The following CTPS1 variants were observed in gnomAD, a reference collection of about 807,000 sequenced individuals.
CTPS1 encodes CTP synthase 1, also known as CTP synthetase 1.
A neutral mutation model predicts 80.5 loss-of-function variants in CTPS1; 25 were observed. The ratio of observed to expected loss-of-function variants is 0.31; its 90% CI spans 0.23 to 0.43. The LOEUF (loss-of-function observed/expected upper bound fraction) is 0.43, where lower values mean the gene tolerates loss of function less well. CTPS1 is among the 20% of genes least tolerant of loss of function. CTPS1 has a pLI of 1.00. For synonymous variants in CTPS1, 267 were observed against 252.5 expected, an observed-to-expected ratio of 1.06 and a Z score of -0.54; for missense variants, 442 against 725.7, an observed-to-expected ratio of 0.61 and a Z score of 4.49.
At chr1:40,982,133 C>A (rs1352215117) in intron 1 of CTPS1, 2 of 471,962 alleles carry the variant, frequency 4.2e-6, no homozygotes, top group East Asian at 7.4e-5. Context: ...ACGGTCTCCT[C>A]ACCTCTTGTC....
Position 41,004,191 on chromosome 1 carries a change from A to G in CTPS1, c.1252+1015A>G, listed in dbSNP as rs894880100. 31 of 152,278 alleles carry G rather than the reference A, an allele frequency of 2.0e-4. 1 individual carries two copies. The highest frequency in any genetic ancestry group is 1.3e-4 in the Admixed American group (2 of 15,284). The allele number at this position is 152,278 out of a possible 1,614,324, so 9.4% of individuals were successfully genotyped here. ...TTTATTCTCTGTAGCCCACCCGACA[A>G]ATACTAGATTTTCAGAAAGACCTTG... On this transcript the variant is annotated intron_variant, in intron 12 of 18. Transcript: ENST00000650070.
intron 1 of CTPS1, among the ~76,000 whole-genome samples, chr1:40,982,209 C>T (rs1011507850): frequency 1.3e-5 from 2 of 151,996 alleles, no homozygotes; most frequent in East Asian, 1.9e-4. Flanking sequence ...TCCCTGCCAC[C>T]GTGGCACTGC....
intron 11 of CTPS1, among the ~76,000 whole-genome samples, chr1:41,002,781 G>C (rs1642934255): frequency 6.6e-6 from 1 of 152,160 alleles, no homozygotes; most frequent in South Asian, 2.1e-4. Flanking sequence ...AGAAATTTGA[G>C]GCTGTAGTGA....
At chr1:41,011,426 G>A (rs559998680) in intron 18 of CTPS1, among the ~76,000 whole-genome samples, 1 of 152,192 alleles carries the variant, frequency 6.6e-6, no homozygotes, top group Non-Finnish European at 1.5e-5. Flanking sequence ...ACGAGGTGCT[G>A]TGGAGAAAGA....
At chr1:41,004,462 G>C (rs1642982687) in intron 12 of CTPS1, among the ~76,000 whole-genome samples, 1 of 152,104 alleles carries the variant, frequency 6.6e-6, no homozygotes, top group South Asian at 2.1e-4. Context: ...TGGCTTTCTG[G>C]TCTCCCTGGA....
intron 7 of CTPS1, among the ~76,000 whole-genome samples, chr1:40,993,115 A>T (rs1013030703): frequency 4.0e-5 from 6 of 151,848 alleles, no homozygotes; most frequent in Admixed American, 3.3e-4. Flanking sequence ...AAGTGGAGCA[A>T]TCTCAGCTCA....
chr1:41,000,509 T>G lies in CTPS1; in HGVS notation c.1006-520T>G, dbSNP rs560444798. Among the ~76,000 whole-genome samples, 20 of 152,068 alleles carry G rather than the reference T, an allele frequency of 1.3e-4. No individual in the cohort carries two copies. The East Asian group carries it at 3.9e-3, about 29-fold the overall frequency. ...CTCAAGTGATCCACCCGCCTCGGCC[T>G]TCCAAAGTGCTGGGATTATAGGTGT... is the stretch of plus-strand genomic sequence containing the variant. On this transcript the variant is annotated intron_variant, in intron 9 of 18. Coordinates refer to ENST00000650070, the MANE Select transcript of CTPS1 (RefSeq NM_001905.4).
intron 18 of CTPS1, among the ~76,000 whole-genome samples, chr1:41,010,801 C>T (rs925339035): frequency 3.3e-5 from 5 of 152,150 alleles, no homozygotes; most frequent in East Asian, 1.9e-4. Flanking sequence ...GCCAAATAGA[C>T]GTCGAATGTT....
chr1:40,993,614 C>T (rs1200173147), intron 7 of CTPS1, among the ~76,000 whole-genome samples: 1 of 152,176 alleles, frequency 6.6e-6, no homozygotes, highest in Non-Finnish European at 1.5e-5. Flanking sequence ...GTTGAGATTA[C>T]AGGCGTGAGC....
At chr1:40,994,600 G>A (rs1002802336) in intron 7 of CTPS1, among the ~76,000 whole-genome samples, 1 of 151,992 alleles carries the variant, frequency 6.6e-6, no homozygotes, top group Non-Finnish European at 1.5e-5. Flanking sequence ...AAATTCTTTT[G>A]GTTTTTATGG....
At chr1:41,003,231 A>G (rs897735311) in intron 12 of CTPS1, 55 bp downstream of exon 12, 9 of 1,597,000 alleles carry the variant, frequency 5.6e-6, no homozygotes, top group South Asian at 1.1e-5. Flanking sequence ...TCTGGAGGAT[A>G]TGAGGCCTGT....
intron 1 of CTPS1, chr1:40,981,351 AAG>A (rs1250891819): frequency 6.6e-6 from 1 of 152,244 alleles, no homozygotes; most frequent in African/African-American, 2.4e-5. Flanking sequence ...AAAGAACGTA[AAG>A]AGAGATGTTA....
chr1:40,997,548 C>G (rs781131089), intron 9 of CTPS1, 22 bp downstream of exon 9: 2 of 1,612,358 alleles, frequency 1.2e-6, no homozygotes, highest in South Asian at 2.2e-5. Context: ...GGCACAGGTA[C>G]AGCCAAAGGA....
intron 7 of CTPS1, 36 bp downstream of exon 7, chr1:40,991,881 T>C: frequency 6.7e-7 from 1 of 1,484,894 alleles, no homozygotes; most frequent in Non-Finnish European, 9.4e-7. Context: ...AAGTTGTTTT[T>C]TGCTTCTAAT....
intron 13 of CTPS1, among the ~76,000 whole-genome samples, chr1:41,006,796 G>A (rs983779099): frequency 6.6e-6 from 1 of 152,252 alleles, no homozygotes; most frequent in Non-Finnish European, 1.5e-5. Context: ...CGTGCTAAAT[G>A]AGACGGACAA....
chr1:40,995,281 C>T (rs1421308064), intron 7 of CTPS1, among the ~76,000 whole-genome samples: 6 of 152,032 alleles, frequency 3.9e-5, no homozygotes, highest in East Asian at 3.9e-4. Context: ...TACAGTGATG[C>T]GATCTTGGCT....
intron 3 of CTPS1, 56 bp downstream of exon 3, chr1:40,985,047 C>A (rs1570940613): frequency 7.8e-7 from 1 of 1,279,554 alleles, no homozygotes; most frequent in Non-Finnish European, 1.1e-6. Flanking sequence ...AATTTCTTCT[C>A]CCTCCCACCT....
At chr1:40,987,255 C>T in intron 3 of CTPS1, 117 bp from the exon 4 acceptor site, 1 of 730,428 alleles carries the variant, frequency 1.4e-6, no homozygotes, top group Non-Finnish European at 2.4e-6. Context: ...TTTTTATGAC[C>T]CTATTGCTAC....
In CTPS1 at chr1:41,007,584, C is replaced by T. The variant is rs759517076; in HGVS notation, c.1393+39C>T. The T allele has an allele frequency of 1.3e-5, 20 of 1,569,838 alleles. No individual in the cohort carries two copies. The highest frequency in any genetic ancestry group is 1.1e-4 in the East Asian group (5 of 44,658). Reference sequence around the variant, plus strand: ...CACGCTGGCCCAGCCTTTGGCTCTGCGTGCCCAGGACGCGTGTCTTAGGGT... The same window carrying T: ...CACGCTGGCCCAGCCTTTGGCTCTGTGTGCCCAGGACGCGTGTCTTAGGGT... On this transcript the variant is annotated intron_variant, in intron 14 of 18. Transcript: ENST00000650070. The surrounding 1 kb of genome is among the most constrained non-coding windows in gnomAD (Gnocchi z 4.4).
Sources: gnomAD v4.1 joint callset for allele counts (sites outside exome capture counted in the v4.1 genomes callset) on GRCh38, gnomAD v4.1.1 for gene constraint, Gnocchi (gnomAD v3.1) non-coding constraint, MANE v1.5 for transcripts, NCBI Gene and HGNC (gene_info 2026-07-23, HGNC 2026-07-21) for gene names.